The following SIPA1L2 variants were observed in gnomAD, a reference collection of about 807,000 sequenced individuals.
SIPA1L2 encodes the protein signal induced proliferation associated 1 like 2.
In SIPA1L2, 56 loss-of-function variants were observed where a neutral mutation model predicts 163.9. That is an observed-to-expected ratio of 0.34 (90% CI 0.28 to 0.43). The LOEUF is 0.43. Ranked by LOEUF, SIPA1L2 falls within the 20% of genes least tolerant of loss-of-function variation. The probability of loss-of-function intolerance (pLI) is 1.00; values close to 1 mark genes in which losing one functional copy is unlikely to be tolerated. For synonymous variants in SIPA1L2, 877 were observed against 865.7 expected (o/e 1.01, Z -0.23); for missense variants, 1,974 against 2,193.5 (o/e 0.90, Z 2.00).
Position 232,432,308 on chromosome 1 carries a change from C to A in SIPA1L2, c.4195G>T (p.Gly1399Cys). 6.2e-7 allele frequency: 1 copy of A among 1,614,104 alleles called. No individual in the cohort carries two copies. The highest frequency in any genetic ancestry group is 1.3e-5 in the African/African-American group (1 of 74,988). Residue 1399 changes from glycine to cysteine, a missense_variant, in exon 16 of 23, where the codon GGC (glycine) becomes TGC (cysteine). Around this residue, in one of 3 missense-constraint regions of SIPA1L2, gnomAD observed 1,079 missense variants for 1,150.7 expected, o/e 0.94. Coordinates refer to ENST00000674635, the MANE Select transcript of SIPA1L2 (RefSeq NM_020808.5). Reference sequence around the variant, plus strand: ...GGGCTGCCCTCCGATTTCTTCCAGCCGATGACATATTTGTTCACTGCCCCT... The same window carrying A: ...GGGCTGCCCTCCGATTTCTTCCAGCAGATGACATATTTGTTCACTGCCCCT... ...RQGAVNKYVI[G>C]WKKSEGSPPP... is the part of the protein sequence containing the mutation.
rs1661203602 is a variant in SIPA1L2 at position 232,415,636 on chromosome 1, A to C, written c.4631-11T>G. 5 of 1,613,726 alleles carry C rather than the reference A, an allele frequency of 3.1e-6. No individual in the cohort carries two copies. The South Asian group carries it at 4.4e-5, about 14-fold the overall frequency. On this transcript the variant is annotated splice_polypyrimidine_tract_variant and intron_variant, in intron 18 of 22. Transcript: ENST00000674635. ...AGAACCAGAACTCATCTAAACAGAA[A>C]CAAAACCAGAGAGTCAGTCATCAGT...
intron 3 of SIPA1L2, among the ~76,000 whole-genome samples, chr1:232,503,499 A>G (rs1453277084): frequency 2.6e-5 from 4 of 152,198 alleles, no homozygotes; most frequent in Non-Finnish European, 5.9e-5. Flanking sequence ...CCAGGTACGT[A>G]AAAGACATTC....
intron 1 of SIPA1L2, among the ~76,000 whole-genome samples, chr1:232,620,608 G>A (rs573581301): frequency 1.3e-5 from 2 of 152,148 alleles, no homozygotes; most frequent in African/African-American, 2.4e-5. Context: ...ATAACCAGAC[G>A]CACAGCGACA....
At position 232,399,138 on chromosome 1, in the gene SIPA1L2, TG is replaced by T. The variant is rs1187754560; in HGVS notation, c.5157del (p.Asp1719GlufsTer22). 6.2e-7 allele frequency: 1 copy of T among 1,614,120 alleles called. No individual in the cohort carries two copies. Among genetic ancestry groups the T allele is most frequent in the Non-Finnish European group, 8.5e-7 (1 of 1,180,040 alleles). Reference sequence around the variant, plus strand: ...GAGGTGCGGATTGGCTAAGATTTTTTGTCGATGGTGGTGAAAAACCATTCTG... The same window carrying T: ...GAGGTGCGGATTGGCTAAGATTTTTTTCGATGGTGGTGAAAAACCATTCTG... ...KFTEWFFTTIDKKS is the reference protein window; with the variant it reads ...KFTEWFFTTIXKKS On this transcript the variant is annotated frameshift_variant, in exon 23 of 23. Coordinates refer to ENST00000674635, the MANE Select transcript of SIPA1L2 (RefSeq NM_020808.5). LOFTEE classifies it high-confidence loss of function.
In SIPA1L2 at chr1:232,464,973, G is replaced by A. The variant is rs1247486415; in HGVS notation, c.2687C>T (p.Ser896Phe). The A allele has an allele frequency of 7.4e-6, 12 of 1,614,016 alleles. No individual in the cohort carries two copies. The highest frequency in any genetic ancestry group is 1.0e-5 in the Non-Finnish European group (12 of 1,180,038). The change falls in exon 9 of 23, where the codon TCC becomes TTC. Residue 896 changes from serine to phenylalanine, a missense_variant. Coordinates refer to ENST00000674635, the MANE Select transcript of SIPA1L2 (RefSeq NM_020808.5). ...KDSKNVVFNC[S>F]CRDVIGWTSG... ...TGTCCACCCAATCACATCCCTGCAG[G>A]AACAGTTGAATACAACATTCTTGGA...
At position 232,548,803 on chromosome 1, in the gene SIPA1L2, G is replaced by C. The variant is rs1385690381; in HGVS notation, c.-270+25371C>G. ...GACAGGACAGAACACATCACAGAAG[G>C]ATGGCATGGATCCAGGCAGGGGACG... On this transcript the variant is annotated intron_variant, in intron 2 of 22. Transcript: ENST00000674635. Among the ~76,000 whole-genome samples, 10 of 152,246 alleles carry C rather than the reference G, an allele frequency of 6.6e-5. No individual in the cohort carries two copies. The South Asian group carries it at 2.1e-3, about 32-fold the overall frequency.
chr1:232,486,350 C>G (rs533585877), intron 5 of SIPA1L2, among the ~76,000 whole-genome samples: 1 of 152,176 alleles, frequency 6.6e-6, no homozygotes, highest in Admixed American at 6.5e-5. Flanking sequence ...GTTGTACTGT[C>G]AACTTCACAC....
chr1:232,490,853 A>T (rs753188021), intron 5 of SIPA1L2, 21 bp downstream of exon 5: 2 of 1,576,790 alleles, frequency 1.3e-6, no homozygotes, highest in Non-Finnish European at 1.7e-6. Flanking sequence ...ACACAAACAT[A>T]CAATCTCACA....
At chr1:232,544,641 C>T (rs553592969) in intron 2 of SIPA1L2, among the ~76,000 whole-genome samples, 15 of 152,028 alleles carry the variant, frequency 9.9e-5, no homozygotes, top group African/African-American at 3.6e-4. Flanking sequence ...TTGACAGAGG[C>T]TTGGTCAAAG....
chr1:232,566,009 C>A (rs1390761070), intron 2 of SIPA1L2, among the ~76,000 whole-genome samples: 1 of 152,164 alleles, frequency 6.6e-6, no homozygotes, highest in African/African-American at 2.4e-5. Flanking sequence ...TTTCAAGTTG[C>A]CCTTACACTG....
chr1:232,535,113 C>T (rs1657221582), intron 2 of SIPA1L2, among the ~76,000 whole-genome samples: 1 of 152,168 alleles, frequency 6.6e-6, no homozygotes, highest in Admixed American at 6.5e-5. Context: ...AGACTCTAAG[C>T]TGTGTAAGTT....
chr1:232,402,690 A>C, intron 21 of SIPA1L2: 1 of 380,196 alleles, frequency 2.6e-6, no homozygotes, highest in Non-Finnish European at 4.8e-6. Context: ...AACTCTATAG[A>C]TATACGAGTT....
intron 16 of SIPA1L2, among the ~76,000 whole-genome samples, chr1:232,429,925 A>G (rs1662129490): frequency 6.6e-6 from 1 of 152,250 alleles, no homozygotes; most frequent in Non-Finnish European, 1.5e-5. Context: ...TTACATCCAT[A>G]ATTACGATTA....
chr1:232,589,465 T>C (rs1182374551), intron 1 of SIPA1L2, among the ~76,000 whole-genome samples: 1 of 152,250 alleles, frequency 6.6e-6, no homozygotes, highest in East Asian at 1.9e-4. Flanking sequence ...TTCTGCCAAT[T>C]AATTACCATA....
chr1:232,489,912 T>C (rs1444023335), intron 5 of SIPA1L2, among the ~76,000 whole-genome samples: 1 of 152,186 alleles, frequency 6.6e-6, no homozygotes, highest in Non-Finnish European at 1.5e-5. Context: ...TGAACCACCA[T>C]CTCAATCCTG....
At chr1:232,532,375 A>T (rs1277269266) in intron 2 of SIPA1L2, among the ~76,000 whole-genome samples, 1 of 152,174 alleles carries the variant, frequency 6.6e-6, no homozygotes, top group Non-Finnish European at 1.5e-5. Flanking sequence ...GGTTAAATAG[A>T]TCACATGTGC....
chr1:232,445,382 G>T, intron 11 of SIPA1L2, 147 bp downstream of exon 11: 1 of 1,172,934 alleles, frequency 8.5e-7, no homozygotes, highest in Non-Finnish European at 1.2e-6. Context: ...GCACCACTGT[G>T]TCTGGGGCCT....
intron 2 of SIPA1L2, among the ~76,000 whole-genome samples, chr1:232,517,210 C>G (rs1233287614): frequency 6.6e-6 from 1 of 152,186 alleles, no homozygotes; most frequent in African/African-American, 2.4e-5. Context: ...TTTGAAACTC[C>G]TTTATCCTTT....
At chr1:232,521,559 TCA>T (rs756553014) in intron 2 of SIPA1L2, among the ~76,000 whole-genome samples, 8 of 152,208 alleles carry the variant, frequency 5.3e-5, no homozygotes, top group Non-Finnish European at 1.0e-4. Context: ...TCCTGGTCTG[TCA>T]CAGTCACTGC....
Sources: gnomAD v4.1 joint callset for allele counts (sites outside exome capture counted in the v4.1 genomes callset) on GRCh38, gnomAD v4.1.1 for gene constraint, gnomAD v4.1.1 regional missense constraint, MANE v1.5 for transcripts, NCBI Gene and HGNC (gene_info 2026-07-23, HGNC 2026-07-21) for gene names.